EFCAB8: variants seen among roughly 807,000 people sequenced by gnomAD.
EFCAB8 encodes EF-hand calcium-binding domain-containing protein 8.
In EFCAB8, 100 loss-of-function variants were observed where a neutral mutation model predicts 116.3. The observed-to-expected ratio is 0.86, with a 90% CI of 0.73 to 1.02. The LOEUF (loss-of-function observed/expected upper bound fraction) is 1.02, where lower values mean the gene tolerates loss of function less well. Ranked by LOEUF, EFCAB8 falls within the 50% of genes least tolerant of loss-of-function variation. EFCAB8 has a pLI of 0.00. For synonymous variants in EFCAB8, 558 were observed against 567.9 expected (o/e 0.98, Z 0.25); for missense variants, 1,320 against 1,416.9 (o/e 0.93, Z 1.10).
intron 17 of EFCAB8, among the ~76,000 whole-genome samples, chr20:32,916,831 T>C (rs953970610): frequency 3.3e-5 from 5 of 152,022 alleles, no homozygotes; most frequent in Admixed American, 1.3e-4. Context: ...CCTGATTTCT[T>C]CTTGGGGGCG....
At chr20:32,903,393 T>C (rs1163459552) in intron 11 of EFCAB8, 4 of 152,298 alleles carry the variant, frequency 2.6e-5, no homozygotes, top group Non-Finnish European at 5.9e-5. Flanking sequence ...GGACTCGCCA[T>C]GATTTGTAAA....
Position 32,930,396 on chromosome 20 carries a change from AG to A in EFCAB8, c.2413-1del, listed in dbSNP as rs1205532371. 1 of 1,549,670 alleles carries A rather than the reference AG, an allele frequency of 6.5e-7. No homozygotes were observed. Among genetic ancestry groups the A allele is most frequent in the Admixed American group, 2.0e-5 (1 of 50,994 alleles). ...TGAGCCGGGCCCTCCTCTCTTCCTC[AG>A]ATAATCTTCCTGCAGACCAGGCCTC... On this transcript the variant is annotated splice_acceptor_variant, in intron 20 of 26. Transcript: ENST00000400522. LOFTEE classifies it high-confidence loss of function.
At chr20:32,920,241 G>A (rs1377661423) in intron 20 of EFCAB8, 26 bp downstream of exon 20, 2 of 1,550,876 alleles carry the variant, frequency 1.3e-6, no homozygotes, top group African/African-American at 1.4e-5. Context: ...CCAGGGAGAG[G>A]GATATGAGCT....
In EFCAB8 at chr20:32,911,525, G is replaced by A. The variant is rs138787582; in HGVS notation, c.1603G>A (p.Val535Met). ...LRGTVSVWEV[V>M]TGRKTMEFAV... Reference sequence around the variant, plus strand: ...CGGCACAGTGAGTGTGTGGGAGGTCGTGACGGGCAGGAAGACGATGGAGTT... The same window carrying A: ...CGGCACAGTGAGTGTGTGGGAGGTCATGACGGGCAGGAAGACGATGGAGTT... Residue 535 changes from valine to methionine, a missense_variant, in exon 16 of 27, where the codon GTG becomes ATG. Transcript: ENST00000400522. 6.6e-6 allele frequency: 10 copies of A among 1,515,078 alleles called. No individual in the cohort carries two copies. Among genetic ancestry groups the A allele is most frequent in the African/African-American group, 1.4e-5 (1 of 72,818 alleles). 93.9% of individuals were successfully genotyped at this position (1,515,078 alleles called of 1,614,324 possible).
chr20:32,917,283 C>G lies in EFCAB8; in HGVS notation c.1857-18C>G. 6.5e-7 allele frequency: 1 copy of G among 1,539,928 alleles called. No homozygotes were observed. Among genetic ancestry groups the G allele is most frequent in the East Asian group, 2.4e-5 (1 of 40,880 alleles). Reference sequence around the variant, plus strand: ...CAGGCTGAGCTCTCAGCCCTCCTGCCTCTGGCCATATGCACAGGTTCCACA... The same window carrying G: ...CAGGCTGAGCTCTCAGCCCTCCTGCGTCTGGCCATATGCACAGGTTCCACA... On this transcript the variant is annotated intron_variant, in intron 17 of 26. Coordinates refer to ENST00000400522, the MANE Select transcript of EFCAB8 (RefSeq NM_001143967.2).
chr20:32,945,964 T>C (rs1436417062), intron 23 of EFCAB8, among the ~76,000 whole-genome samples: 2 of 152,228 alleles, frequency 1.3e-5, no homozygotes, highest in Non-Finnish European at 2.9e-5. Context: ...TAGAATATGC[T>C]GGGTCCTTCA....
chr20:32,937,932 A>G (rs1242192673), intron 22 of EFCAB8, among the ~76,000 whole-genome samples: 1 of 150,150 alleles, frequency 6.7e-6, no homozygotes, highest in East Asian at 1.9e-4. Flanking sequence ...ATTAATGTCA[A>G]TTGCTCACAA....
intron 22 of EFCAB8, among the ~76,000 whole-genome samples, chr20:32,935,780 C>G (rs1988098163): frequency 6.6e-6 from 1 of 152,176 alleles, no homozygotes; most frequent in Non-Finnish European, 1.5e-5. Flanking sequence ...GCTGGGATTA[C>G]AAGAGTGAGT....
chr20:32,930,673 T>A, intron 21 of EFCAB8, 57 bp downstream of exon 21: 1 of 1,494,826 alleles, frequency 6.7e-7, no homozygotes, highest in Non-Finnish European at 9.1e-7. Flanking sequence ...TGTTCGGCCA[T>A]CTCTTTGCTC....
At chr20:32,937,619 T>A (rs1600450269) in intron 22 of EFCAB8, among the ~76,000 whole-genome samples, 2 of 151,232 alleles carry the variant, frequency 1.3e-5, no homozygotes, top group African/African-American at 4.9e-5. Context: ...TATTTAAAGA[T>A]TTTTCTTTTT....
chr20:32,932,332 G>T (rs1429522868), intron 22 of EFCAB8, among the ~76,000 whole-genome samples: 1 of 151,850 alleles, frequency 6.6e-6, no homozygotes, highest in Non-Finnish European at 1.5e-5. Flanking sequence ...AGCCTAGATT[G>T]CTCCGTTGCC....
chr20:32,882,691 TTTGTTG>T lies in EFCAB8; in HGVS notation c.432-2799_432-2794del, dbSNP rs546681766. Among the ~76,000 whole-genome samples, 898 of 151,764 alleles carry T rather than the reference TTTGTTG, an allele frequency of 5.9e-3. 5 individuals carry two copies. Among genetic ancestry groups the T allele is most frequent in the Middle Eastern group, 0.017 (5 of 294 alleles). On this transcript the variant is annotated intron_variant, in intron 5 of 26. Coordinates refer to ENST00000400522, the MANE Select transcript of EFCAB8 (RefSeq NM_001143967.2). ...GGCCGCCACCACGCCTGGCCGATTT[TTTGTTG>T]TTGTTGTTGTTGTTTTGAGACAGAG...
rs1432809717 is a variant in EFCAB8 at position 32,858,977 on chromosome 20, G to C, written c.-40G>C. The C allele has an allele frequency of 2.1e-6, 1 of 471,096 alleles. No homozygotes were observed. Among genetic ancestry groups the C allele is most frequent in the Non-Finnish European group, 4.4e-6 (1 of 227,028 alleles). The allele number at this position is 471,096 out of a possible 1,614,324, so 29.2% of individuals were successfully genotyped here. ...GCACTTTGCCAGACTTTGCCAGCAA[G>C]ATTAACTGAGGAGATCAAATTGAGT... On this transcript the variant is annotated 5_prime_UTR_variant, in exon 1 of 27. Transcript: ENST00000400522.
rs370787612 is a variant in EFCAB8, at chr20:32,867,545, A to G, written c.43-37A>G. The stretch of plus-strand genomic sequence containing the variant: ...GAAAATGTTTGGCTCAGGAAATTGA[A>G]ACGCTCAGTCCCTGGTTCTTGTTAT... On this transcript the variant is annotated intron_variant, in intron 2 of 26. Transcript: ENST00000400522. 4.6e-6 allele frequency: 7 copies of G among 1,534,194 alleles called. No individual in the cohort carries two copies. The East Asian group carries it at 9.8e-5, about 22-fold the overall frequency.
intron 9 of EFCAB8, among the ~76,000 whole-genome samples, chr20:32,895,176 A>G (rs1259642617): frequency 1.8e-4 from 27 of 152,328 alleles, no homozygotes; most frequent in Admixed American, 1.8e-3. Flanking sequence ...TCTGTGTCAG[A>G]CTGGCTTTGC....
At chr20:32,861,080 A>G (rs1282582416) in intron 1 of EFCAB8, among the ~76,000 whole-genome samples, 2 of 152,100 alleles carry the variant, frequency 1.3e-5, no homozygotes, top group African/African-American at 4.8e-5. Context: ...AATCTCTCTT[A>G]GCTGCTGGAA....
chr20:32,879,236 C>G (rs565574213), intron 5 of EFCAB8, among the ~76,000 whole-genome samples: 1 of 152,284 alleles, frequency 6.6e-6, no homozygotes, highest in South Asian at 2.1e-4. Context: ...GGAGTTTCCT[C>G]CCAGGCAACA....
chr20:32,860,393 A>G (rs1444676589), intron 1 of EFCAB8, among the ~76,000 whole-genome samples: 1 of 145,936 alleles, frequency 6.9e-6, no homozygotes, highest in Non-Finnish European at 1.5e-5. Context: ...CAGATCATGT[A>G]TTTTTTTGGC....
intron 17 of EFCAB8, among the ~76,000 whole-genome samples, chr20:32,916,253 T>A (rs1164590399): frequency 6.6e-6 from 1 of 152,026 alleles, no homozygotes; most frequent in African/African-American, 2.4e-5. Context: ...CTGGGCCTCT[T>A]ATTTTTGTTT....
Sources: gnomAD v4.1 joint callset for allele counts (sites outside exome capture counted in the v4.1 genomes callset) on GRCh38, gnomAD v4.1.1 for gene constraint, MANE v1.5 for transcripts, NCBI Gene and HGNC (gene_info 2026-07-23, HGNC 2026-07-21) for gene names.